The following SORCS2 variants were observed in gnomAD, a reference collection of about 807,000 sequenced individuals.
SORCS2 encodes VPS10 domain-containing receptor SorCS2.
SORCS2 carries 100 observed loss-of-function variants against 141.6 expected under a neutral mutation model. The ratio of observed to expected loss-of-function variants is 0.71; its 90% CI spans 0.60 to 0.83. The LOEUF (loss-of-function observed/expected upper bound fraction) is 0.83, where lower values mean the gene tolerates loss of function less well. Ranked by LOEUF, SORCS2 falls within the 40% of genes least tolerant of loss-of-function variation. The probability of loss-of-function intolerance (pLI) is 0.00; values close to 1 mark genes in which losing one functional copy is unlikely to be tolerated. For missense variants in SORCS2, 1,646 were observed against 1,560.2 expected, an observed-to-expected ratio of 1.05 and a Z score of -0.93; for synonymous variants, 789 against 676.9, an observed-to-expected ratio of 1.17 and a Z score of -2.57.
At chr4:7,641,445 T>G (rs986659930) in intron 4 of SORCS2, among the ~76,000 whole-genome samples, 2 of 152,170 alleles carry the variant, frequency 1.3e-5, no homozygotes, top group African/African-American at 4.8e-5. Flanking sequence ...TGCCCCATGA[T>G]CCAATCACTT....
intron 1 of SORCS2, among the ~76,000 whole-genome samples, chr4:7,281,721 G>C (rs1279209158): frequency 1.3e-5 from 2 of 152,212 alleles, no homozygotes; most frequent in African/African-American, 4.8e-5. Flanking sequence ...GCTCCCCCAT[G>C]AGAATAATTG....
rs115001782 is a variant in SORCS2, at chr4:7,324,311, T to G, written c.481-71977T>G. On this transcript the variant is annotated intron_variant, in intron 1 of 26. Coordinates refer to ENST00000507866, the MANE Select transcript of SORCS2 (RefSeq NM_020777.3). ...TGGCTGCAGGGAGCTGAGACAGGGC[T>G]GCAGTTGGAGGAGGAATTTGGAGTG... Among the ~76,000 whole-genome samples, 553 of 152,316 alleles carry G rather than the reference T, an allele frequency of 3.6e-3. 1 individual carries two copies. Among genetic ancestry groups the G allele is most frequent in the African/African-American group, 0.013 (526 of 41,576 alleles).
At chr4:7,232,435 C>G (rs1037985522) in intron 1 of SORCS2, among the ~76,000 whole-genome samples, 18 of 152,174 alleles carry the variant, frequency 1.2e-4, no homozygotes, top group African/African-American at 2.4e-5. Context: ...GCGAGCAAGG[C>G]ATGGTATGCC....
At position 7,471,072 on chromosome 4, in the gene SORCS2, G is replaced by C. The variant is rs1301425504; in HGVS notation, c.549-60458G>C. Among the ~76,000 whole-genome samples, 6 of 152,194 alleles carry C rather than the reference G, an allele frequency of 3.9e-5. No individual in the cohort carries two copies. In the East Asian group the frequency reaches 9.6e-4, roughly 24 times the overall value. ...GAAAACCCAAGGGAGGAGATTTCTA[G>C]GTGGAGGGAACAGCTAGGGAAAGGC... On this transcript the variant is annotated intron_variant, in intron 2 of 26. Transcript: ENST00000507866.
chr4:7,282,600 G>A (rs1396995612), intron 1 of SORCS2, among the ~76,000 whole-genome samples: 4 of 152,206 alleles, frequency 2.6e-5, no homozygotes, highest in Non-Finnish European at 5.9e-5. Flanking sequence ...CATGGGGTGA[G>A]CCTGGGTGGG....
At chr4:7,564,464 G>A (rs75332900) in intron 3 of SORCS2, among the ~76,000 whole-genome samples, 2 of 152,170 alleles carry the variant, frequency 1.3e-5, no homozygotes, top group Non-Finnish European at 2.9e-5. Flanking sequence ...GGCCCACTCC[G>A]ATGACCTTGT....
Position 7,729,585 on chromosome 4 carries a change from A to T in SORCS2, c.2983-2A>T. On this transcript the variant is annotated splice_acceptor_variant, in intron 22 of 26. Coordinates refer to ENST00000507866, the MANE Select transcript of SORCS2 (RefSeq NM_020777.3). LOFTEE classifies it high-confidence loss of function. ...ACCAAAGTGGCTTAACTCTCCCCGC[A>T]GGAGACCAGCGTCCCTCAGGAGCTT... The T allele has an allele frequency of 1.3e-6, 2 of 1,580,896 alleles. No individual in the cohort carries two copies. The highest frequency in any genetic ancestry group is 1.7e-6 in the Non-Finnish European group (2 of 1,163,588).
At chr4:7,433,631 G>A (rs757901045) in intron 2 of SORCS2, 23 of 1,610,496 alleles carry the variant, frequency 1.4e-5, no homozygotes, top group Admixed American at 3.4e-5. Flanking sequence ...AGGATGTCTC[G>A]CTTGGTGCTC....
rs58923193 is a variant in SORCS2 at position 7,709,496 on chromosome 4, A to G, written c.1869-3237A>G. The stretch of plus-strand genomic sequence containing the variant: ...TAACCTTTTAAGTTATTTTTCAAGC[A>G]ACAGAACAGTTCCTCCAGACCCCCT... On this transcript the variant is annotated intron_variant, in intron 14 of 26. Coordinates refer to ENST00000507866, the MANE Select transcript of SORCS2 (RefSeq NM_020777.3). 5.8e-3 allele frequency among the ~76,000 whole-genome samples: 878 copies of G among 152,350 alleles called. 8 individuals carry two copies. The highest frequency in any genetic ancestry group is 0.02 in the African/African-American group (833 of 41,576).
intron 8 of SORCS2, among the ~76,000 whole-genome samples, chr4:7,672,609 C>G (rs780496055): frequency 6.6e-6 from 1 of 151,650 alleles, no homozygotes. Context: ...TGTAGATACC[C>G]TTTCTACCTG....
chr4:7,661,570 C>T lies in SORCS2; in HGVS notation c.952+6C>T, dbSNP rs1722170334. On this transcript the variant is annotated splice_donor_region_variant and intron_variant, in intron 6 of 26. Transcript: ENST00000507866. ...AGCCCAAGACCTCGGTGGAGGTAAG[C>T]CGGGCAGTGCACAGGCACCGGGTAT... The T allele has an allele frequency of 2.6e-6, 4 of 1,551,442 alleles. No individual in the cohort carries two copies. In the South Asian group the frequency reaches 3.6e-5, roughly 14 times the overall value.
In SORCS2 at chr4:7,654,220, C is replaced by A. The variant is rs1227085303; in HGVS notation, c.887+13C>A. The stretch of plus-strand genomic sequence containing the variant: ...ACCACGTGTTCTGGTGAGAGCACTT[C>A]CCCACCCCAAACCCATGGGGCCCGC... On this transcript the variant is annotated intron_variant, in intron 5 of 26. Coordinates refer to ENST00000507866, the MANE Select transcript of SORCS2 (RefSeq NM_020777.3). 1.3e-6 allele frequency: 2 copies of A among 1,566,966 alleles called. No homozygotes were observed. The highest frequency in any genetic ancestry group is 2.4e-5 in the East Asian group (1 of 42,322).
intron 1 of SORCS2, among the ~76,000 whole-genome samples, chr4:7,380,938 T>C (rs186577210): frequency 0.014 from 2,120 of 152,048 alleles, 49 homozygotes; most frequent in African/African-American, 0.048. Context: ...AAAAATTAGC[T>C]GGGTGTGGTG....
chr4:7,396,439 C>CTCAGCTGAGG, intron 2 of SORCS2, 84 bp downstream of exon 2: 2 of 1,415,204 alleles, frequency 1.4e-6, no homozygotes. Flanking sequence ...GAGATCCAAA[C>CTCAGCTGAGG]ACCTCACTGT....
chr4:7,276,182 TG>T (rs1185532667), intron 1 of SORCS2, among the ~76,000 whole-genome samples: 3 of 152,138 alleles, frequency 2.0e-5, no homozygotes, highest in African/African-American at 7.2e-5. Context: ...GGAAGGGGCT[TG>T]GGGGCTGTTG....
chr4:7,221,347 G>A (rs1463110411), intron 1 of SORCS2, among the ~76,000 whole-genome samples: 1 of 152,226 alleles, frequency 6.6e-6, no homozygotes, highest in East Asian at 1.9e-4. Context: ...CCCAGTGTCT[G>A]TAGTTTGAAT....
Position 7,233,996 on chromosome 4 carries a change from AG to A in SORCS2, c.480+40873del, listed in dbSNP as rs1218960028. On this transcript the variant is annotated intron_variant, in intron 1 of 26. Coordinates refer to ENST00000507866, the MANE Select transcript of SORCS2 (RefSeq NM_020777.3). This position sits in a 1 kb window ranked among gnomAD's most constrained non-coding sequence, Gnocchi z 4.5. ...GAGGACCGTATCCCCGAGCCTCTCC[AG>A]GGAGCCCATGCATCTGTGCAGGCAT... 6.6e-6 allele frequency among the ~76,000 whole-genome samples: 1 copy of A among 152,114 alleles called. No individual in the cohort carries two copies. Among genetic ancestry groups the A allele is most frequent in the African/African-American group, 2.4e-5 (1 of 41,432 alleles).
intron 1 of SORCS2, among the ~76,000 whole-genome samples, chr4:7,385,716 C>T (rs888097235): frequency 3.9e-5 from 6 of 152,208 alleles, no homozygotes; most frequent in Non-Finnish European, 7.4e-5. Context: ...GAGGGACAGA[C>T]GCCAGCTCCA....
chr4:7,610,244 G>A (rs560659973), intron 3 of SORCS2, among the ~76,000 whole-genome samples: 9 of 152,262 alleles, frequency 5.9e-5, no homozygotes, highest in Admixed American at 4.6e-4. Flanking sequence ...TGGGAGTCAC[G>A]CCCACCCCTC....
Sources: allele counts gnomAD v4.1 joint callset (sites outside exome capture counted in the v4.1 genomes callset), GRCh38; gene constraint gnomAD v4.1.1; non-coding constraint Gnocchi (gnomAD v3.1); transcripts MANE v1.5; gene names NCBI Gene and HGNC (gene_info 2026-07-23, HGNC 2026-07-21).